The following ALDH3B1 variants were observed in gnomAD, a reference collection of about 807,000 sequenced individuals.
ALDH3B1 encodes the protein aldehyde dehydrogenase family 3 member B1.
A neutral mutation model predicts 46.2 loss-of-function variants in ALDH3B1; 37 were observed. That is an observed-to-expected ratio of 0.80 (90% CI 0.62 to 1.05). The LOEUF (loss-of-function observed/expected upper bound fraction) is 1.05, where lower values mean the gene tolerates loss of function less well. Ranked by LOEUF, ALDH3B1 falls within the 50% of genes least tolerant of loss-of-function variation. The pLI, the probability that ALDH3B1 is intolerant of heterozygous loss-of-function variation, is 0.00. For missense variants in ALDH3B1, 603 were observed against 665.5 expected, an observed-to-expected ratio of 0.91 and a Z score of 1.03; for synonymous variants, 283 against 281.0, an observed-to-expected ratio of 1.01 and a Z score of -0.07.
At chr11:68,026,314 A>G (rs555499548) in intron 9 of ALDH3B1, among the ~76,000 whole-genome samples, 3 of 152,178 alleles carry the variant, frequency 2.0e-5, no homozygotes, top group African/African-American at 7.2e-5. Context: ...ATCTCAAAAA[A>G]AAGTCTGTGG....
rs1228814442 is a variant in ALDH3B1, at chr11:68,015,396, G to A, written c.99G>A (p.Leu33=). 33 of 1,554,128 alleles carry A rather than the reference G, an allele frequency of 2.1e-5. No individual in the cohort carries two copies. Among genetic ancestry groups the A allele is most frequent in the Non-Finnish European group, 2.9e-5 (33 of 1,149,246 alleles). Residue 33 remains leucine, a synonymous_variant, in exon 2 of 10, where the codon CTG becomes CTA. Coordinates refer to ENST00000342456, the MANE Select transcript of ALDH3B1 (RefSeq NM_000694.4). ...TCCGGGCTGCGCAGCTCCAAGGCCT[G>A]GGCCGCTTCCTGCAAGAAAACAAGC... ...AEFRAAQLQG[L]GRFLQENKQL...
intron 1 of ALDH3B1, among the ~76,000 whole-genome samples, chr11:68,013,743 G>A (rs1356849706): frequency 1.3e-5 from 2 of 152,250 alleles, no homozygotes; most frequent in Admixed American, 6.5e-5. Context: ...GGCAGAGCCC[G>A]GAGACAGGCC....
intron 1 of ALDH3B1, chr11:68,014,985 G>A (rs1479220249): frequency 6.2e-6 from 2 of 321,352 alleles, no homozygotes; most frequent in Non-Finnish European, 1.1e-5. Context: ...ACCCTCGGGG[G>A]CTGTGGTGGA....
At position 68,010,969 on chromosome 11, in the gene ALDH3B1, G is replaced by A. The variant is rs559398075; in HGVS notation, c.-2+577G>A. ...GGGAACTGTGCCCCATCAGGGAGCC[G>A]AGGCTGTTCAGCCTCTTTGTGACCC... On this transcript the variant is annotated intron_variant, in intron 1 of 9. Transcript: ENST00000342456. 3.9e-5 allele frequency among the ~76,000 whole-genome samples: 6 copies of A among 152,336 alleles called. No individual in the cohort carries two copies. In the East Asian group the frequency reaches 5.8e-4, roughly 15 times the overall value.
Position 68,018,395 on chromosome 11 carries a change from GGAGT to G in ALDH3B1, c.163-121_163-118del, listed in dbSNP as rs1052876717. 104 of 746,162 alleles carry G rather than the reference GGAGT, an allele frequency of 1.4e-4. No individual in the cohort carries two copies. In the South Asian group the frequency reaches 1.6e-3, roughly 11 times the overall value. The allele number at this position is 746,162 out of a possible 1,614,324, so 46.2% of individuals were successfully genotyped here. On this transcript the variant is annotated intron_variant, in intron 2 of 9. Transcript: ENST00000342456. ...CACACAGGAAGCACGCACTGAACAT[GGAGT>G]GAGTGAGTGAACGAATGAATGAAAA...
In ALDH3B1 at chr11:68,028,477, G is replaced by A; in HGVS notation, c.*538G>A. The A allele has an allele frequency of 4.4e-6, 1 of 229,412 alleles. No individual in the cohort carries two copies. The highest frequency in any genetic ancestry group is 9.0e-6 in the Non-Finnish European group (1 of 111,370). 14.2% of individuals were successfully genotyped at this position (229,412 alleles called of 1,614,324 possible). A position where few individuals can be genotyped will look rare whatever the true frequency, so the allele number is the denominator to read the frequency against. ...GGATCACCTGAAATCAGGAGTTCAA[G>A]ATCAGCCTGGCTAACATGGCGAAAC... On this transcript the variant is annotated 3_prime_UTR_variant, in exon 10 of 10. Transcript: ENST00000342456.
intron 8 of ALDH3B1, 35 bp downstream of exon 8, chr11:68,022,796 C>T (rs551094897): frequency 2.5e-6 from 4 of 1,611,890 alleles, no homozygotes; most frequent in East Asian, 2.2e-5. Flanking sequence ...GGGTCAGGAG[C>T]CCGCAGTGGG....
At chr11:68,012,492 C>T (rs1857254482) in intron 1 of ALDH3B1, among the ~76,000 whole-genome samples, 1 of 152,234 alleles carries the variant, frequency 6.6e-6, no homozygotes, top group African/African-American at 2.4e-5. Flanking sequence ...TGCACCTCAA[C>T]CTGTGATGGG....
At chr11:68,026,393 T>C (rs1456387158) in intron 9 of ALDH3B1, among the ~76,000 whole-genome samples, 2 of 152,170 alleles carry the variant, frequency 1.3e-5, no homozygotes, top group Non-Finnish European at 2.9e-5. Flanking sequence ...CACACAACTA[T>C]GATCACACTG....
chr11:68,019,382 G>A (rs1235605397), intron 5 of ALDH3B1, 127 bp downstream of exon 5: 2 of 852,636 alleles, frequency 2.3e-6, no homozygotes, highest in African/African-American at 1.7e-5. Flanking sequence ...TCTGAGTTGT[G>A]TAAACTTGAC....
In ALDH3B1 at chr11:68,022,736, T is replaced by C; in HGVS notation, c.1091T>C (p.Leu364Pro). 3 of 1,614,122 alleles carry C rather than the reference T, an allele frequency of 1.9e-6. No individual in the cohort carries two copies. The highest frequency in any genetic ancestry group is 1.7e-4 in the Middle Eastern group (1 of 6,058). Residue 364 changes from leucine to proline, a missense_variant, in exon 8 of 10, where the codon CTG (leucine) becomes CCG (proline). Coordinates refer to ENST00000342456, the MANE Select transcript of ALDH3B1 (RefSeq NM_000694.4). The part of the protein sequence containing the change: ...FINRREKPLA[L>P]YAFSNSSQVV... Reference sequence around the variant, plus strand: ...AACCGGCGGGAGAAGCCCCTGGCCCTGTACGCCTTCTCCAACAGCAGCCAG... The same window carrying C: ...AACCGGCGGGAGAAGCCCCTGGCCCCGTACGCCTTCTCCAACAGCAGCCAG...
In ALDH3B1 at chr11:68,022,614, T is replaced by A; in HGVS notation, c.969T>A (p.Asp323Glu). 1 of 1,613,792 alleles carries A rather than the reference T, an allele frequency of 6.2e-7. No homozygotes were observed. Among genetic ancestry groups the A allele is most frequent in the Non-Finnish European group, 8.5e-7 (1 of 1,179,980 alleles). Residue 323 changes from aspartate to glutamate, a missense_variant, in exon 8 of 10, where the codon GAT (aspartate) becomes GAA (glutamate). Coordinates refer to ENST00000342456, the MANE Select transcript of ALDH3B1 (RefSeq NM_000694.4). ...DRYIAPTVLV[D>E]VQEMEPVMQE... ...CTGCAGCCCCCACGGTGCTGGTGGA[T>A]GTGCAGGAGATGGAGCCTGTGATGC... is the stretch of plus-strand genomic sequence containing the variant.
rs142169468 is a variant in ALDH3B1, at chr11:68,013,094, C to T, written c.-1-2203C>T. ...TCCCTATTCTGTGTGTCCACAATGGCTGCCCAGCACCCTCGGGAGATAACA... is the reference window on the plus strand; with the variant it reads ...TCCCTATTCTGTGTGTCCACAATGGTTGCCCAGCACCCTCGGGAGATAACA... On this transcript the variant is annotated intron_variant, in intron 1 of 9. Transcript: ENST00000342456. Among the ~76,000 whole-genome samples the T allele has an allele frequency of 5.9e-3, 897 of 152,266 alleles. 6 individuals carry two copies. The highest frequency in any genetic ancestry group is 9.2e-3 in the Non-Finnish European group (623 of 68,016).
At chr11:68,013,282 G>A (rs539896287) in intron 1 of ALDH3B1, among the ~76,000 whole-genome samples, 1 of 152,284 alleles carries the variant, frequency 6.6e-6, no homozygotes, top group South Asian at 2.1e-4. Flanking sequence ...CTGTGGCCCT[G>A]GTGAGTTGGT....
At position 68,027,972 on chromosome 11, in the gene ALDH3B1, T is replaced by C. The variant is rs144879452; in HGVS notation, c.*33T>C. ...CCCAGGCCCAGGCTGTAGACCACCA[T>C]GACAGCTGTCGCCTGCGGCTGGTGG... is the stretch of plus-strand genomic sequence containing the variant. On this transcript the variant is annotated 3_prime_UTR_variant, in exon 10 of 10. Transcript: ENST00000342456. 1.2e-3 allele frequency: 1,893 copies of C among 1,557,078 alleles called. 15 individuals are homozygous for C. In the African/African-American group the frequency reaches 0.023, roughly 19 times the overall value.
chr11:68,028,063 A>C lies in ALDH3B1; in HGVS notation c.*124A>C. 8.0e-7 allele frequency: 1 copy of C among 1,257,536 alleles called. No individual in the cohort carries two copies. The highest frequency in any genetic ancestry group is 1.1e-6 in the Non-Finnish European group (1 of 870,906). 77.9% of individuals were successfully genotyped at this position (1,257,536 alleles called of 1,614,324 possible). On this transcript the variant is annotated 3_prime_UTR_variant, in exon 10 of 10. Transcript: ENST00000342456. ...TGCCAAGGCTCCAGGGCACCCCTCA[A>C]AGCAGCGCCTGCCTCCTCCCTCCTG...
At chr11:68,022,458 A>G (rs746117332) in intron 7 of ALDH3B1, 137 bp from the exon 8 acceptor site, 139 of 1,213,550 alleles carry the variant, frequency 1.1e-4, no homozygotes, top group Admixed American at 3.3e-4. Context: ...AACACTCCAA[A>G]GCCTGAAGCC....
In ALDH3B1 at chr11:68,022,600, A is replaced by C. The variant is rs115555799; in HGVS notation, c.955A>C (p.Thr319Pro). Residue 319 changes from threonine (T) to proline (P), a missense_variant, in exon 8 of 10, where the codon ACG becomes CCG. Transcript: ENST00000342456. ...SDESDRYIAP[T>P]VLVDVQEMEP... ...GCTGTCTCTGGTGCCTGCAGCCCCC[A>C]CGGTGCTGGTGGATGTGCAGGAGAT... 2 of 1,613,500 alleles carry C rather than the reference A, an allele frequency of 1.2e-6. No individual in the cohort carries two copies. The highest frequency in any genetic ancestry group is 1.7e-6 in the Non-Finnish European group (2 of 1,179,952).
Position 68,021,866 on chromosome 11 carries a change from A to G in ALDH3B1, c.944A>G (p.Tyr315Cys). ...IGGQSDESDR[Y>C]IAPTVLVDVQ... is the part of the protein sequence containing the mutation. ...GGCCAGAGCGATGAGAGCGATCGCT[A>G]CATCGGTGAGTCCTGCTGCCCCTAC... Residue 315 changes from tyrosine to cysteine, a missense_variant, in exon 7 of 10, where the codon TAC becomes TGC. Coordinates refer to ENST00000342456, the MANE Select transcript of ALDH3B1 (RefSeq NM_000694.4). 1 of 1,601,018 alleles carries G rather than the reference A, an allele frequency of 6.2e-7. No individual in the cohort carries two copies. Among genetic ancestry groups the G allele is most frequent in the Non-Finnish European group, 8.5e-7 (1 of 1,172,876 alleles).
Sources: allele counts gnomAD v4.1 joint callset (sites outside exome capture counted in the v4.1 genomes callset), GRCh38; gene constraint gnomAD v4.1.1; transcripts MANE v1.5; gene names NCBI Gene and HGNC (gene_info 2026-07-23, HGNC 2026-07-21).